Variants in MBNL2 observed in about 807,000 individuals in gnomAD.
MBNL2 encodes the protein muscleblind like splicing regulator 2, also known as muscleblind-like protein 2.
A neutral mutation model predicts 41.9 loss-of-function variants in MBNL2; 17 were observed. That is an observed-to-expected ratio of 0.41 (90% confidence interval 0.28 to 0.61). The LOEUF is 0.61. MBNL2 is among the 20% of genes least tolerant of loss of function. MBNL2 has a pLI of 0.35. For synonymous variants in MBNL2, 195 were observed against 182.9 expected (o/e 1.07, Z -0.53); for missense variants, 336 against 505.6 (o/e 0.66, Z 3.22).
At chr13:97,338,651 C>T (rs998100125) in intron 3 of MBNL2, among the ~76,000 whole-genome samples, 1 of 152,124 alleles carries the variant, frequency 6.6e-6, no homozygotes, top group Admixed American at 6.5e-5. Context: ...TCCCAGAGCG[C>T]GCACCGCCTT....
intron 1 of MBNL2, among the ~76,000 whole-genome samples, chr13:97,242,673 G>T (rs569264588): frequency 6.4e-4 from 97 of 152,190 alleles, no homozygotes; most frequent in African/African-American, 2.3e-3. Flanking sequence ...AGCAGAATGA[G>T]GACTTCCTGG....
Position 97,222,429 on chromosome 13 carries a change from G to A in MBNL2, c.-707G>A. 3 of 398,640 alleles carry A rather than the reference G, an allele frequency of 7.5e-6. No homozygotes were observed. The highest frequency in any genetic ancestry group is 1.3e-5 in the Non-Finnish European group (3 of 226,062). 24.7% of individuals were successfully genotyped at this position (398,640 alleles called of 1,614,324 possible). A position where few individuals can be genotyped will look rare whatever the true frequency, so the allele number is the denominator to read the frequency against. On this transcript the variant is annotated 5_prime_UTR_variant, in exon 1 of 9. Transcript: ENST00000679496. The stretch of plus-strand genomic sequence containing the variant: ...ACAGGGAATGAGAACTATTTACATG[G>A]AAGTTTCTTTCTCATGATGCGGTGG...
the MBNL2 span, among the ~76,000 whole-genome samples, chr13:97,198,756 A>G: frequency 1.3e-5 from 2 of 151,958 alleles, no homozygotes; most frequent in East Asian, 1.9e-4. Context: ...TTTCACAACA[A>G]TCCTTCAGAA....
At chr13:97,294,102 A>G (rs1478907683) in intron 2 of MBNL2, among the ~76,000 whole-genome samples, 1 of 151,890 alleles carries the variant, frequency 6.6e-6, no homozygotes, top group Admixed American at 6.6e-5. Context: ...ATCTCGTGTA[A>G]GCTTCATTTC....
intron 1 of MBNL2, among the ~76,000 whole-genome samples, chr13:97,252,340 C>T (rs144451910): frequency 1.8e-4 from 27 of 152,298 alleles, no homozygotes; most frequent in African/African-American, 5.5e-4. Context: ...GTTCTGTCCT[C>T]ATCTGCTGTT....
intron 1 of MBNL2, among the ~76,000 whole-genome samples, chr13:97,246,275 TCACACACACACA>T (rs34830044): frequency 7.5e-5 from 11 of 145,796 alleles, no homozygotes; most frequent in Non-Finnish European, 1.1e-4. Context: ...TACTGTTATT[TCACACACACACA>T]CACACACACA....
At chr13:97,251,452 C>A (rs568228044) in intron 1 of MBNL2, among the ~76,000 whole-genome samples, 1 of 152,188 alleles carries the variant, frequency 6.6e-6, no homozygotes, top group African/African-American at 2.4e-5. Context: ...CTTAACCCTG[C>A]TTTAAGTTTT....
intron 8 of MBNL2, among the ~76,000 whole-genome samples, chr13:97,379,110 G>C (rs138667971): frequency 6.6e-6 from 1 of 152,162 alleles, no homozygotes; most frequent in Non-Finnish European, 1.5e-5. Flanking sequence ...TAAAAACTCC[G>C]AACTACTGAG....
At chr13:97,273,120 T>TG (rs2051423188) in intron 1 of MBNL2, among the ~76,000 whole-genome samples, 1 of 152,226 alleles carries the variant, frequency 6.6e-6, no homozygotes, top group Non-Finnish European at 1.5e-5. Flanking sequence ...TTTTCCTCCA[T>TG]GGGAGCCCTT....
At chr13:97,174,541 CT>C in the MBNL2 span, among the ~76,000 whole-genome samples, 1 of 152,198 alleles carries the variant, frequency 6.6e-6, no homozygotes, top group Non-Finnish European at 1.5e-5. Flanking sequence ...GAGCTGAAAG[CT>C]ACATGTCTTC....
At chr13:97,175,243 C>T in the MBNL2 span, among the ~76,000 whole-genome samples, 1 of 152,134 alleles carries the variant, frequency 6.6e-6, no homozygotes, top group Non-Finnish European at 1.5e-5. Flanking sequence ...TCTCCTCTCA[C>T]AGGTGCCAGA....
At chr13:97,347,443 C>T (rs879640516) in intron 5 of MBNL2, among the ~76,000 whole-genome samples, 3 of 152,166 alleles carry the variant, frequency 2.0e-5, no homozygotes, top group Admixed American at 1.3e-4. Flanking sequence ...CATTTCTGCA[C>T]CTGAGCACGA....
intron 2 of MBNL2, among the ~76,000 whole-genome samples, chr13:97,323,084 T>A (rs78175671): frequency 6.6e-6 from 1 of 152,134 alleles, no homozygotes; most frequent in Non-Finnish European, 1.5e-5. Context: ...ATGGAAGTCA[T>A]TTCCAGTGTT....
At chr13:97,286,712 C>T (rs2054526990) in intron 2 of MBNL2, among the ~76,000 whole-genome samples, 1 of 152,212 alleles carries the variant, frequency 6.6e-6, no homozygotes, top group Non-Finnish European at 1.5e-5. Flanking sequence ...CCTGTTTATT[C>T]TTCAGGGCCT....
At chr13:97,340,316 A>G (rs1200764241) in intron 3 of MBNL2, among the ~76,000 whole-genome samples, 1 of 152,202 alleles carries the variant, frequency 6.6e-6, no homozygotes, top group Non-Finnish European at 1.5e-5. Context: ...AAGGCCTATG[A>G]ACTTGCAACT....
Position 97,334,223 on chromosome 13 carries a change from T to G in MBNL2, c.175-53T>G. The G allele has an allele frequency of 1.4e-6, 2 of 1,436,002 alleles. No individual in the cohort carries two copies. Among genetic ancestry groups the G allele is most frequent in the Non-Finnish European group, 9.6e-7 (1 of 1,043,878 alleles). 89.0% of individuals were successfully genotyped at this position (1,436,002 alleles called of 1,614,324 possible). ...AGAAGTGATTGTTCAGTGGTTGACT[T>G]TGGAGTTGCAAGCTACTTAAAATAG... On this transcript the variant is annotated intron_variant, in intron 2 of 8. Transcript: ENST00000679496. The surrounding 1 kb of genome is among the most constrained non-coding windows in gnomAD (Gnocchi z 5.3).
intron 5 of MBNL2, among the ~76,000 whole-genome samples, chr13:97,355,587 G>T (rs908841969): frequency 1.3e-5 from 2 of 151,840 alleles, no homozygotes; most frequent in African/African-American, 4.8e-5. Flanking sequence ...TATTTGCAAA[G>T]AATTCCATCA....
In MBNL2 at chr13:97,392,904, A is replaced by G. The variant is rs9556713; in HGVS notation, c.*1455A>G. 7,791 of 152,544 alleles carry G rather than the reference A, an allele frequency of 0.051. 413 individuals carry two copies. Among genetic ancestry groups the G allele is most frequent in the East Asian group, 0.17 (873 of 5,184 alleles). 9.4% of individuals were successfully genotyped at this position (152,544 alleles called of 1,614,324 possible). A position where few individuals can be genotyped will look rare whatever the true frequency, so the allele number is the denominator to read the frequency against. ...GAAGTATTTTGACTTTTGAGATTGA[A>G]TGTAAAATATTTTAAATTTGGGATC... On this transcript the variant is annotated 3_prime_UTR_variant, in exon 9 of 9. Transcript: ENST00000679496.
chr13:97,343,205 G>C lies in MBNL2; in HGVS notation c.529G>C (p.Asp177His). The change falls in exon 4 of 9, where the codon GAC becomes CAC. Residue 177 changes from aspartate to histidine, a missense_variant. By Grantham distance (81) the Asp-to-His change is moderately conservative (BLOSUM62 -1). Transcript: ENST00000679496. Reference protein sequence around the residue: ...STATQKLLRTDKLEVCREFQR... With the variant: ...STATQKLLRTHKLEVCREFQR... ...TGCAACTCAGAAACTTCTCAGGACT[G>C]ACAAACTGGAGGTACTTCAATTCTA... is the stretch of plus-strand genomic sequence containing the variant. 6.2e-7 allele frequency: 1 copy of C among 1,602,970 alleles called. No homozygotes were observed. Among genetic ancestry groups the C allele is most frequent in the Non-Finnish European group, 8.5e-7 (1 of 1,174,074 alleles).
Sources: allele counts gnomAD v4.1 joint callset (sites outside exome capture counted in the v4.1 genomes callset), GRCh38; gene constraint gnomAD v4.1.1; non-coding constraint Gnocchi (gnomAD v3.1); transcripts MANE v1.5; gene names NCBI Gene and HGNC (gene_info 2026-07-23, HGNC 2026-07-21).